Variants in ENOX1 observed in about 807,000 individuals in gnomAD.
ENOX1 encodes ecto-NOX disulfide-thiol exchanger 1.
Under a neutral mutation model 82.5 loss-of-function variants are expected in ENOX1, and 42 were observed. The ratio of observed to expected loss-of-function variants is 0.51; its 90% CI spans 0.40 to 0.66. The LOEUF (loss-of-function observed/expected upper bound fraction) is 0.66. ENOX1 is among the 30% of genes least tolerant of loss of function. ENOX1 has a pLI of 0.00. For synonymous variants in ENOX1, 271 were observed against 282.2 expected (o/e 0.96, Z 0.40); for missense variants, 608 against 811.6 (o/e 0.75, Z 3.05).
At chr13:43,568,567 C>G (rs1450364820) in intron 2 of ENOX1, among the ~76,000 whole-genome samples, 2 of 152,126 alleles carry the variant, frequency 1.3e-5, no homozygotes, top group Non-Finnish European at 2.9e-5. Context: ...AGCCAGATCA[C>G]AAGCTGAGAG....
chr13:43,311,952 A>G (rs2047226811), intron 11 of ENOX1, among the ~76,000 whole-genome samples: 1 of 152,212 alleles, frequency 6.6e-6, no homozygotes, highest in Admixed American at 6.5e-5. Flanking sequence ...ATGTGGAGAC[A>G]TTTCATAAAC....
intron 1 of ENOX1, among the ~76,000 whole-genome samples, chr13:43,714,429 TC>T (rs2087962881): frequency 6.6e-6 from 1 of 152,192 alleles, no homozygotes; most frequent in African/African-American, 2.4e-5. Flanking sequence ...GTCTATTAGG[TC>T]CGCTTGCTGC....
At chr13:43,253,241 G>A (rs367778416) in intron 14 of ENOX1, among the ~76,000 whole-genome samples, 128 of 152,286 alleles carry the variant, frequency 8.4e-4, no homozygotes, top group African/African-American at 2.8e-3. Context: ...AGGGCACCAC[G>A]ACACTTAGGC....
intron 2 of ENOX1, among the ~76,000 whole-genome samples, chr13:43,646,266 G>T (rs1485066449): frequency 3.3e-5 from 5 of 152,218 alleles, no homozygotes; most frequent in Non-Finnish European, 7.3e-5. Flanking sequence ...GAATCAGGCA[G>T]GCTAACTTGT....
intron 3 of ENOX1, among the ~76,000 whole-genome samples, chr13:43,449,510 A>C (rs184696136): frequency 6.6e-6 from 1 of 152,198 alleles, no homozygotes; most frequent in Admixed American, 6.5e-5. Flanking sequence ...CAATCAATAG[A>C]AAGTTTCCTT....
intron 11 of ENOX1, 41 bp downstream of exon 11, chr13:43,322,343 A>G: frequency 2.0e-6 from 3 of 1,496,760 alleles, no homozygotes; most frequent in Non-Finnish European, 2.8e-6. Context: ...TTGGAAGATC[A>G]TTATGATACC....
At chr13:43,541,226 C>G (rs902331029) in intron 2 of ENOX1, among the ~76,000 whole-genome samples, 3 of 107,040 alleles carry the variant, frequency 2.8e-5, no homozygotes, top group South Asian at 7.7e-4. Flanking sequence ...GGACCAGATG[C>G]TGTGGCTCAC....
chr13:43,245,780 T>A (rs1280014971), intron 14 of ENOX1, among the ~76,000 whole-genome samples: 1 of 152,202 alleles, frequency 6.6e-6, no homozygotes, highest in East Asian at 1.9e-4. Context: ...AGCAGATGTG[T>A]GGGGCTCCAA....
At chr13:43,465,899 G>A (rs569401891) in intron 3 of ENOX1, among the ~76,000 whole-genome samples, 1 of 151,928 alleles carries the variant, frequency 6.6e-6, no homozygotes, top group South Asian at 2.1e-4. Flanking sequence ...TCAGTATTTG[G>A]GTCTTCTTTT....
chr13:43,415,259 T>TA (rs1184168896), intron 3 of ENOX1, among the ~76,000 whole-genome samples: 38 of 136,514 alleles, frequency 2.8e-4, no homozygotes, highest in Non-Finnish European at 5.2e-4. Flanking sequence ...TTTTTTTTTT[T>TA]AGTATTTATT....
chr13:43,347,894 T>C (rs1024337918), intron 8 of ENOX1, among the ~76,000 whole-genome samples: 3 of 152,230 alleles, frequency 2.0e-5, no homozygotes, highest in Non-Finnish European at 4.4e-5. Context: ...TGGTATATGA[T>C]GGAGTGAATA....
intron 16 of ENOX1, among the ~76,000 whole-genome samples, chr13:43,214,925 A>G (rs1185406594): frequency 6.6e-6 from 1 of 152,142 alleles, no homozygotes; most frequent in African/African-American, 2.4e-5. Context: ...GGGGTCTGAT[A>G]CTCTGTTTGA....
intron 12 of ENOX1, among the ~76,000 whole-genome samples, chr13:43,286,564 A>G (rs984964057): frequency 6.6e-6 from 1 of 152,160 alleles, no homozygotes; most frequent in African/African-American, 2.4e-5. Context: ...CAATGCCATT[A>G]TTTTTGCCCC....
intron 2 of ENOX1, among the ~76,000 whole-genome samples, chr13:43,550,356 A>G (rs2079142366): frequency 6.6e-6 from 1 of 152,172 alleles, no homozygotes; most frequent in South Asian, 2.1e-4. Context: ...GCCCCACAAT[A>G]TGCTATTGCT....
At chr13:43,486,852 T>C (rs1453801428) in intron 2 of ENOX1, among the ~76,000 whole-genome samples, 1 of 152,170 alleles carries the variant, frequency 6.6e-6, no homozygotes, top group Non-Finnish European at 1.5e-5. Context: ...GTGCACTGAG[T>C]AACATACAAT....
chr13:43,706,903 GAT>G (rs141537630), intron 1 of ENOX1, among the ~76,000 whole-genome samples: 19 of 149,208 alleles, frequency 1.3e-4, no homozygotes, highest in Non-Finnish European at 8.9e-5. Flanking sequence ...AGGCAAGAAA[GAT>G]ATATATATAT....
chr13:43,748,130 C>T (rs986362061), intron 1 of ENOX1, among the ~76,000 whole-genome samples: 2 of 152,096 alleles, frequency 1.3e-5, no homozygotes, highest in Admixed American at 6.5e-5. Flanking sequence ...TACCATAACA[C>T]GAGTTTGTTT....
chr13:43,722,997 A>G (rs2088680841), intron 1 of ENOX1, among the ~76,000 whole-genome samples: 1 of 152,190 alleles, frequency 6.6e-6, no homozygotes, highest in Admixed American at 6.5e-5. Flanking sequence ...AAGGAGACAA[A>G]AGGTTTTCCT....
intron 5 of ENOX1, among the ~76,000 whole-genome samples, chr13:43,392,104 TC>T (rs1339531934): frequency 9.9e-5 from 10 of 100,736 alleles, no homozygotes; most frequent in Non-Finnish European, 3.1e-4. Flanking sequence ...CCTCAGAATC[TC>T]AGTTTAAATT....
Sources: allele counts gnomAD v4.1 joint callset (sites outside exome capture counted in the v4.1 genomes callset), GRCh38; gene constraint gnomAD v4.1.1; transcripts MANE v1.5; gene names NCBI Gene and HGNC (gene_info 2026-07-23, HGNC 2026-07-21).